The following MTCH2 variants were observed in gnomAD, a reference collection of about 807,000 sequenced individuals.
MTCH2 encodes the protein mitochondrial carrier 2.
In MTCH2, 25 loss-of-function variants were observed where a neutral mutation model predicts 50.6. That is an observed-to-expected ratio of 0.49 (90% CI 0.36 to 0.69). The LOEUF is 0.69. Ranked by LOEUF, MTCH2 falls within the 30% of genes least tolerant of loss-of-function variation. MTCH2 has a pLI of 0.00. For missense variants in MTCH2, 273 were observed against 384.4 expected, an observed-to-expected ratio of 0.71 and a Z score of 2.42; for synonymous variants, 106 against 132.0, an observed-to-expected ratio of 0.80 and a Z score of 1.35.
At chr11:47,629,293 C>T in intron 8 of MTCH2, 1 of 454,640 alleles carries the variant, frequency 2.2e-6, no homozygotes, top group Non-Finnish European at 4.1e-6. Context: ...CCCTCAGTGG[C>T]TCACCTTACT....
At chr11:47,614,129 A>G (rs1419335623), downstream of MTCH2, among the ~76,000 whole-genome samples, 1 of 152,062 alleles carries the variant, frequency 6.6e-6, no homozygotes, top group East Asian at 1.9e-4. Context: ...ACTGGCTACA[A>G]TTTTAGCATT....
chr11:47,616,502 T>C (rs2097288482), downstream of MTCH2, among the ~76,000 whole-genome samples: 2 of 151,550 alleles, frequency 1.3e-5, no homozygotes, highest in Admixed American at 6.6e-5. Flanking sequence ...CATGCCCGAC[T>C]AATTTTTTTG....
the MTCH2 span, among the ~76,000 whole-genome samples, chr11:47,610,377 C>A: frequency 9.9e-5 from 15 of 151,986 alleles, no homozygotes. Context: ...TATCACATAC[C>A]AAATATTTAC....
At chr11:47,625,433 AAAAT>A (rs1318358998) in intron 11 of MTCH2, among the ~76,000 whole-genome samples, 2 of 132,930 alleles carry the variant, frequency 1.5e-5, no homozygotes, top group Non-Finnish European at 3.2e-5. Flanking sequence ...AAAAAAAAAA[AAAAT>A]AATAATAATA....
the MTCH2 span, among the ~76,000 whole-genome samples, chr11:47,605,340 GA>G: frequency 6.6e-6 from 1 of 152,088 alleles, no homozygotes; most frequent in Non-Finnish European, 1.5e-5. Context: ...TATTCAACCT[GA>G]GATCAGCTGC....
intron 8 of MTCH2, 100 bp from the exon 9 acceptor site, chr11:47,629,146 A>G (rs2097300737): frequency 9.9e-7 from 1 of 1,009,854 alleles, no homozygotes; most frequent in South Asian, 1.4e-5. Context: ...AGGTCACAAA[A>G]CATTCTAGGG....
At chr11:47,613,271 G>A (rs1435626869), downstream of MTCH2, among the ~76,000 whole-genome samples, 3 of 152,080 alleles carry the variant, frequency 2.0e-5, no homozygotes, top group Non-Finnish European at 4.4e-5. Flanking sequence ...ACAGGCATAA[G>A]CTACTGCACC....
intron 1 of MTCH2, 56 bp from the exon 2 acceptor site, chr11:47,639,107 C>T (rs1160167233): frequency 7.0e-7 from 1 of 1,436,018 alleles, no homozygotes; most frequent in African/African-American, 1.4e-5. Context: ...AAATGTCTTG[C>T]TTGCAAGGTC....
In MTCH2 at chr11:47,627,069, A is replaced by T. The variant is rs779470060; in HGVS notation, c.681+11T>A. On this transcript the variant is annotated intron_variant, in intron 10 of 12. Coordinates refer to ENST00000302503, the MANE Select transcript of MTCH2 (RefSeq NM_014342.4). The stretch of plus-strand genomic sequence containing the variant: ...ATTCCTAGAAGGTTAAAAGGATTTT[A>T]AAAAACTCACTCCTGTGACAGCTTG... 7 of 1,579,726 alleles carry T rather than the reference A, an allele frequency of 4.4e-6. No individual in the cohort carries two copies. Among genetic ancestry groups the T allele is most frequent in the East Asian group, 2.2e-5 (1 of 44,598 alleles).
At chr11:47,614,686 A>C (rs1271816595), downstream of MTCH2, among the ~76,000 whole-genome samples, 1 of 152,090 alleles carries the variant, frequency 6.6e-6, no homozygotes, top group Non-Finnish European at 1.5e-5. Context: ...GGTTTCAGCG[A>C]TTCTCCTGCT....
chr11:47,624,351 G>GA (rs1277820483), intron 11 of MTCH2, among the ~76,000 whole-genome samples: 1 of 151,890 alleles, frequency 6.6e-6, no homozygotes, highest in Non-Finnish European at 1.5e-5. Flanking sequence ...CCAATACAGA[G>GA]AAAAGGTCAT....
At chr11:47,631,793 T>A (rs909920975) in intron 5 of MTCH2, 82 bp from the exon 6 acceptor site, 1 of 1,455,988 alleles carries the variant, frequency 6.9e-7, no homozygotes, top group East Asian at 2.3e-5. Flanking sequence ...GTGGATATCG[T>A]GGTATAGGAT....
chr11:47,605,170 C>T, the MTCH2 span, among the ~76,000 whole-genome samples: 5 of 152,180 alleles, frequency 3.3e-5, no homozygotes, highest in East Asian at 3.9e-4. Flanking sequence ...CCTCGTGATC[C>T]GCCCGCCTCG....
At chr11:47,608,138 G>A in the MTCH2 span, among the ~76,000 whole-genome samples, 2 of 152,220 alleles carry the variant, frequency 1.3e-5, no homozygotes, top group East Asian at 1.9e-4. Context: ...AATGGGAGCA[G>A]TATTTAGCTT....
chr11:47,640,439 A>C (rs1268202278), intron 1 of MTCH2, among the ~76,000 whole-genome samples: 1 of 152,110 alleles, frequency 6.6e-6, no homozygotes, highest in Non-Finnish European at 1.5e-5. Context: ...TTTTGGAGAC[A>C]GAGTTTCGCT....
downstream of MTCH2, among the ~76,000 whole-genome samples, chr11:47,616,485 G>C (rs1008682473): frequency 1.3e-5 from 2 of 151,120 alleles, no homozygotes; most frequent in African/African-American, 2.4e-5. Flanking sequence ...CTACAGGTGC[G>C]TGCCACCATG....
rs765143469 is a variant in MTCH2, at chr11:47,631,071, A to G, written c.444T>C (p.Ser148=). The change falls in exon 7 of 13, where the codon TCT becomes TCC. Residue 148 remains serine (S), a synonymous_variant. Coordinates refer to ENST00000302503, the MANE Select transcript of MTCH2 (RefSeq NM_014342.4). ...ATTCTCTGCCAATGAACTGTACCATAGATCTCAGAGTGATCACTGTGGAAT... is the reference window on the plus strand; with the variant it reads ...ATTCTCTGCCAATGAACTGTACCATGGATCTCAGAGTGATCACTGTGGAAT... ...THPFHVITLR[S]MVQFIGRESK... The G allele has an allele frequency of 1.9e-6, 3 of 1,613,168 alleles. No homozygotes were observed. Among genetic ancestry groups the G allele is most frequent in the South Asian group, 1.1e-5 (1 of 91,036 alleles).
chr11:47,611,047 C>T, the MTCH2 span, among the ~76,000 whole-genome samples: 1 of 152,234 alleles, frequency 6.6e-6, no homozygotes, highest in Non-Finnish European at 1.5e-5. Flanking sequence ...CACCAGGCCT[C>T]ACTGTTGTAC....
At chr11:47,612,270 A>T in the MTCH2 span, among the ~76,000 whole-genome samples, 9 of 152,052 alleles carry the variant, frequency 5.9e-5, no homozygotes, top group African/African-American at 2.2e-4. Context: ...ACAAAAAAAA[A>T]TTAGCCAGAT....
Sources: gnomAD v4.1 joint callset for allele counts (sites outside exome capture counted in the v4.1 genomes callset) on GRCh38, gnomAD v4.1.1 for gene constraint, MANE v1.5 for transcripts, NCBI Gene and HGNC (gene_info 2026-07-23, HGNC 2026-07-21) for gene names.